DGKB: variants seen among roughly 807,000 people sequenced by gnomAD.
DGKB encodes the protein diacylglycerol kinase beta.
In DGKB, 67 loss-of-function variants were observed where a neutral mutation model predicts 114.3. The ratio of observed to expected loss-of-function variants is 0.59; its 90% CI spans 0.48 to 0.72. DGKB has a LOEUF of 0.72. DGKB is among the 30% of genes least tolerant of loss of function. DGKB has a pLI of 0.00. For synonymous variants in DGKB, 398 were observed against 323.1 expected, an observed-to-expected ratio of 1.23 and a Z score of -2.49; for missense variants, 907 against 975.2, an observed-to-expected ratio of 0.93 and a Z score of 0.93.
chr7:14,518,071 T>A (rs1203694958), intron 20 of DGKB, among the ~76,000 whole-genome samples: 1 of 152,114 alleles, frequency 6.6e-6, no homozygotes, highest in Non-Finnish European at 1.5e-5. Context: ...TAAATGCCTA[T>A]CAGTGGTAGT....
At chr7:14,811,590 T>A (rs1361322114) in intron 2 of DGKB, among the ~76,000 whole-genome samples, 1 of 152,138 alleles carries the variant, frequency 6.6e-6, no homozygotes, top group East Asian at 1.9e-4. Context: ...AAATACATAA[T>A]CATGGAAATG....
chr7:14,547,457 A>G (rs1036533673), intron 20 of DGKB, among the ~76,000 whole-genome samples: 9 of 152,302 alleles, frequency 5.9e-5, no homozygotes, highest in Middle Eastern at 3.4e-3. Context: ...GCAAATTACA[A>G]CTTTCATATG....
chr7:14,164,679 A>T (rs573794275), intron 25 of DGKB, among the ~76,000 whole-genome samples: 2 of 152,242 alleles, frequency 1.3e-5, no homozygotes, highest in Admixed American at 1.3e-4. Flanking sequence ...ATGTTGCTAC[A>T]TTTTCTGTAA....
chr7:14,530,815 T>C (rs1791462593), intron 20 of DGKB, among the ~76,000 whole-genome samples: 1 of 151,622 alleles, frequency 6.6e-6, no homozygotes, highest in Admixed American at 6.6e-5. Flanking sequence ...TGTCATTTTC[T>C]ATAAGACAAA....
intron 21 of DGKB, among the ~76,000 whole-genome samples, chr7:14,373,735 G>A (rs558542779): frequency 4.5e-4 from 68 of 152,264 alleles, no homozygotes; most frequent in Non-Finnish European, 8.4e-4. Flanking sequence ...GAGGTAAGGA[G>A]AGAAGGGATA....
rs55816881 is a variant in DGKB, at chr7:14,755,060, T to G, written c.148-1112A>C. Among the ~76,000 whole-genome samples, 225 of 152,292 alleles carry G rather than the reference T, an allele frequency of 1.5e-3. 1 individual carries two copies. In the Middle Eastern group the frequency reaches 0.024, roughly 16 times the overall value. On this transcript the variant is annotated intron_variant, in intron 3 of 25. Transcript: ENST00000402815. ...CTTTTCTTAAAATAGTTTCTTTATTTAAAAACTTTGTAATTTTATTAATTT... is the reference window on the plus strand; with the variant it reads ...CTTTTCTTAAAATAGTTTCTTTATTGAAAAACTTTGTAATTTTATTAATTT...
chr7:14,883,406 C>T (rs1242857925), intron 1 of DGKB, among the ~76,000 whole-genome samples: 1 of 151,832 alleles, frequency 6.6e-6, no homozygotes, highest in Non-Finnish European at 1.5e-5. Context: ...CACTGAATGC[C>T]AGTGAAACAC....
chr7:14,455,744 G>T (rs986437647), intron 21 of DGKB, among the ~76,000 whole-genome samples: 1 of 151,860 alleles, frequency 6.6e-6, no homozygotes, highest in South Asian at 2.1e-4. Flanking sequence ...ACTTGGTTCA[G>T]GAAATAGATA....
chr7:14,336,733 G>A (rs189839691), intron 23 of DGKB, among the ~76,000 whole-genome samples: 2 of 152,202 alleles, frequency 1.3e-5, no homozygotes, highest in East Asian at 1.9e-4. Flanking sequence ...AAAATCATAC[G>A]AAGGAGGGTG....
At chr7:14,662,350 T>C (rs1029362937) in intron 13 of DGKB, among the ~76,000 whole-genome samples, 3 of 151,962 alleles carry the variant, frequency 2.0e-5, no homozygotes, top group Non-Finnish European at 2.9e-5. Flanking sequence ...AAGACAAATG[T>C]TCTGTTTTAG....
intron 23 of DGKB, among the ~76,000 whole-genome samples, chr7:14,233,361 G>T (rs1562691794): frequency 6.6e-6 from 1 of 152,014 alleles, no homozygotes; most frequent in Non-Finnish European, 1.5e-5. Flanking sequence ...TTTGCCAGGG[G>T]AGGATGTTCG....
At chr7:14,729,644 A>G (rs1036183630) in intron 5 of DGKB, among the ~76,000 whole-genome samples, 2 of 152,070 alleles carry the variant, frequency 1.3e-5, no homozygotes, top group African/African-American at 4.8e-5. Flanking sequence ...GATAACTCCA[A>G]TTTACACTGG....
intron 23 of DGKB, among the ~76,000 whole-genome samples, chr7:14,200,797 C>G (rs1388997349): frequency 6.6e-6 from 1 of 151,930 alleles, no homozygotes; most frequent in East Asian, 1.9e-4. Flanking sequence ...GAGTGTTTAA[C>G]TCTATGGAGG....
chr7:14,652,968 C>G (rs1455912841), intron 13 of DGKB, among the ~76,000 whole-genome samples: 3 of 151,660 alleles, frequency 2.0e-5, no homozygotes, highest in African/African-American at 4.8e-5. Context: ...CCATCTCACA[C>G]CAGTTAGAAT....
intron 13 of DGKB, among the ~76,000 whole-genome samples, chr7:14,661,903 T>C (rs1324507052): frequency 6.6e-6 from 1 of 152,064 alleles, no homozygotes; most frequent in African/African-American, 2.4e-5. Flanking sequence ...ACGTCCTTTG[T>C]AGGGACATGG....
At chr7:14,420,246 T>C (rs1826451426) in intron 21 of DGKB, among the ~76,000 whole-genome samples, 2 of 151,926 alleles carry the variant, frequency 1.3e-5, no homozygotes, top group Non-Finnish European at 2.9e-5. Flanking sequence ...ATACATTTAC[T>C]CTGTATTAAA....
intron 10 of DGKB, 45 bp downstream of exon 10, chr7:14,685,200 T>C: frequency 2.3e-6 from 3 of 1,282,612 alleles, no homozygotes; most frequent in Non-Finnish European, 3.4e-6. Flanking sequence ...AATCAACCTT[T>C]CCTCACTTGA....
intron 1 of DGKB, among the ~76,000 whole-genome samples, chr7:14,927,261 TTTTCCTTAGTTTGAAGTTCCTCCC>T (rs1448856391): frequency 6.6e-5 from 10 of 152,064 alleles, no homozygotes; most frequent in Non-Finnish European, 1.3e-4. Context: ...GACTTCCTTC[TTTTCCTTAGTTTGAAGTTCCTCCC>T]TTTCCTTAGT....
chr7:14,719,155 T>C (rs930444059), intron 5 of DGKB, among the ~76,000 whole-genome samples: 1 of 152,204 alleles, frequency 6.6e-6, no homozygotes, highest in African/African-American at 2.4e-5. Flanking sequence ...CATATATTTG[T>C]TTCAAATATT....
Sources: allele counts gnomAD v4.1 joint callset (sites outside exome capture counted in the v4.1 genomes callset), GRCh38; gene constraint gnomAD v4.1.1; transcripts MANE v1.5; gene names NCBI Gene and HGNC (gene_info 2026-07-23, HGNC 2026-07-21).